Variants in ERCC6L2 observed in about 807,000 individuals in gnomAD.
ERCC6L2 encodes the protein DNA excision repair protein ERCC-6-like 2.
In ERCC6L2, 77 loss-of-function variants were observed where a neutral mutation model predicts 132.0. The ratio of observed to expected loss-of-function variants is 0.58; its 90% CI spans 0.49 to 0.71. ERCC6L2 has a LOEUF of 0.71. Among genes scored for constraint, ERCC6L2 ranks in the 30% least tolerant of loss-of-function variants. The probability of loss-of-function intolerance (pLI) is 0.00; values close to 1 mark genes in which losing one functional copy is unlikely to be tolerated. For missense variants in ERCC6L2, 1,542 were observed against 1,837.6 expected, an observed-to-expected ratio of 0.84 and a Z score of 2.94; for synonymous variants, 583 against 632.4, an observed-to-expected ratio of 0.92 and a Z score of 1.17.
chr9:95,992,746 G>A (rs1833345684), intron 17 of ERCC6L2, among the ~76,000 whole-genome samples: 2 of 152,172 alleles, frequency 1.3e-5, no homozygotes, highest in African/African-American at 2.4e-5. Context: ...CTGGAGGCCA[G>A]GGTGGAGGGA....
At chr9:95,902,969 T>A (rs1193811932) in intron 3 of ERCC6L2, among the ~76,000 whole-genome samples, 9 of 152,100 alleles carry the variant, frequency 5.9e-5, no homozygotes, top group African/African-American at 9.7e-5. Context: ...ATTGATTTTT[T>A]AAAAATGTTT....
At position 95,972,049 on chromosome 9, in the gene ERCC6L2, A is replaced by G. The variant is rs1222654900; in HGVS notation, c.2298A>G (p.Thr766=). The G allele has an allele frequency of 1.5e-6, 2 of 1,304,298 alleles. No homozygotes were observed. 80.8% of individuals were successfully genotyped at this position (1,304,298 alleles called of 1,614,324 possible). The part of the protein sequence containing the change: ...DFSDEEPVGA[T]GIKTAKNKAP... The stretch of plus-strand genomic sequence containing the variant: ...GTGATGAAGAGCCAGTGGGAGCCAC[A>G]GGAATAAAGACTGCCAAAAACAAAG... The change falls in exon 16 of 19, where the codon ACA becomes ACG. Residue 766 remains threonine, a synonymous_variant. Transcript: ENST00000653738.
intron 4 of ERCC6L2, among the ~76,000 whole-genome samples, chr9:95,907,859 C>CA (rs1564212414): frequency 1.3e-4 from 15 of 112,786 alleles, no homozygotes; most frequent in South Asian, 8.8e-4. Context: ...ACACACACCC[C>CA]CACACCCACA....
Position 96,012,442 on chromosome 9 carries a change from G to A in ERCC6L2, c.3892G>A (p.Asp1298Asn), listed in dbSNP as rs1357462496. 1 of 1,365,962 alleles carries A rather than the reference G, an allele frequency of 7.3e-7. No individual in the cohort carries two copies. Among genetic ancestry groups the A allele is most frequent in the Non-Finnish European group, 9.8e-7 (1 of 1,021,090 alleles). 84.6% of individuals were successfully genotyped at this position (1,365,962 alleles called of 1,614,324 possible). The stretch of plus-strand genomic sequence containing the variant: ...AGAGCAGCGCACCCGGAAGAAATCT[G>A]ATAAAAGAGAATCTCTTATAAAACC... The part of the protein sequence containing the change: ...KGEQRTRKKS[D>N]KRESLIKPRL... Residue 1298 changes from aspartate to asparagine, a missense_variant, in exon 19 of 19, where the codon GAT (aspartate) becomes AAT (asparagine). Physicochemically the swap from Asp to Asn is conservative, Grantham distance 23. This residue lies in a region of ERCC6L2 where 442 missense variants were observed against 583.4 expected (regional missense o/e 0.76). Coordinates refer to ENST00000653738, the MANE Select transcript of ERCC6L2 (RefSeq NM_020207.7).
intron 6 of ERCC6L2, 112 bp from the exon 7 acceptor site, chr9:95,921,063 C>A: frequency 9.6e-7 from 1 of 1,039,976 alleles, no homozygotes; most frequent in Non-Finnish European, 1.3e-6. Context: ...GCGTGAGCCT[C>A]TGCGCCCGGC....
intron 12 of ERCC6L2, chr9:95,954,688 C>T (rs1449407456): frequency 2.2e-6 from 1 of 454,174 alleles, no homozygotes; most frequent in East Asian, 7.0e-5. Context: ...AGCATACATC[C>T]AAAGGACATT....
chr9:95,988,784 G>A (rs556323620), intron 17 of ERCC6L2, among the ~76,000 whole-genome samples: 193 of 152,214 alleles, frequency 1.3e-3, no homozygotes, highest in African/African-American at 1.7e-3. Context: ...GGTATCCTCC[G>A]ATTCAATTCC....
intron 3 of ERCC6L2, among the ~76,000 whole-genome samples, chr9:95,905,850 A>G (rs1829008749): frequency 6.6e-6 from 1 of 152,210 alleles, no homozygotes; most frequent in Non-Finnish European, 1.5e-5. Flanking sequence ...GCAGTATTGT[A>G]TTATTTCTTG....
chr9:95,887,363 G>A (rs1389794995), intron 2 of ERCC6L2, among the ~76,000 whole-genome samples: 1 of 152,124 alleles, frequency 6.6e-6, no homozygotes, highest in Non-Finnish European at 1.5e-5. Context: ...TATTTGAAAG[G>A]TTTATCACAA....
At position 95,875,774 on chromosome 9, in the gene ERCC6L2, A is replaced by G. The variant is rs918231570; in HGVS notation, c.-265A>G. 1.9e-5 allele frequency: 10 copies of G among 538,266 alleles called. No individual in the cohort carries two copies. Among genetic ancestry groups the G allele is most frequent in the African/African-American group, 1.7e-4 (9 of 52,398 alleles). 33.3% of individuals were successfully genotyped at this position (538,266 alleles called of 1,614,324 possible). On this transcript the variant is annotated 5_prime_UTR_variant, in exon 1 of 19. Coordinates refer to ENST00000653738, the MANE Select transcript of ERCC6L2 (RefSeq NM_020207.7). ...CGGAGCCCGAGAGAACTAGGTGAAC[A>G]CCGCTTTGCCAGCCTCACACAGCGT...
intron 17 of ERCC6L2, among the ~76,000 whole-genome samples, chr9:95,987,115 A>G (rs1450543104): frequency 1.3e-5 from 2 of 152,110 alleles, no homozygotes; most frequent in Non-Finnish European, 2.9e-5. Context: ...TTCCCACAAC[A>G]CAGGAGAATT....
chr9:96,022,947 G>C (rs1001133056), downstream of ERCC6L2, among the ~76,000 whole-genome samples: 1 of 152,096 alleles, frequency 6.6e-6, no homozygotes, highest in Non-Finnish European at 1.5e-5. Flanking sequence ...GCGCTCTCCC[G>C]TCCCTCACCC....
At chr9:96,029,710 A>G (rs1332292808) in intron 19 of ERCC6L2, among the ~76,000 whole-genome samples, 2 of 152,242 alleles carry the variant, frequency 1.3e-5, no homozygotes, top group Non-Finnish European at 2.9e-5. Flanking sequence ...TTATCTAAAC[A>G]TCTGCACGCA....
chr9:95,990,064 C>G (rs551050231), intron 17 of ERCC6L2, among the ~76,000 whole-genome samples: 1 of 152,276 alleles, frequency 6.6e-6, no homozygotes, highest in South Asian at 2.1e-4. Context: ...AAGGGCCTTT[C>G]ATTTAGGGCA....
rs143497891 is a variant in ERCC6L2 at position 95,966,402 on chromosome 9, A to G, written c.1948-160A>G. ...CTGGCCAGATTATTATTATTTCACC[A>G]TAATGGCAACATCTGCCAGGGAAAT... On this transcript the variant is annotated intron_variant, in intron 13 of 18. Transcript: ENST00000653738. 2.7e-3 allele frequency among the ~76,000 whole-genome samples: 413 copies of G among 152,352 alleles called. 1 individual carries two copies. The highest frequency in any genetic ancestry group is 9.5e-3 in the African/African-American group (396 of 41,580).
chr9:95,974,882 G>A (rs62563008), intron 16 of ERCC6L2, among the ~76,000 whole-genome samples: 21,676 of 151,984 alleles, frequency 0.14, 1,643 homozygotes, highest in Admixed American at 0.19. Flanking sequence ...CTTAATTTGA[G>A]AGTATAGAGC....
rs748315283 is a variant in ERCC6L2 at position 95,876,035 on chromosome 9, C to T, written c.-4C>T. 8 of 1,588,644 alleles carry T rather than the reference C, an allele frequency of 5.0e-6. No homozygotes were observed. The highest frequency in any genetic ancestry group is 6.8e-6 in the Non-Finnish European group (8 of 1,168,428). ...AGCCGGGCTCGGCCCCTCCCCCTGG[C>T]CGGATGGATCCGTCGGCGCCACAGC... On this transcript the variant is annotated 5_prime_UTR_variant, in exon 1 of 19. Coordinates refer to ENST00000653738, the MANE Select transcript of ERCC6L2 (RefSeq NM_020207.7).
intron 17 of ERCC6L2, among the ~76,000 whole-genome samples, chr9:95,998,520 G>C (rs924500196): frequency 6.6e-6 from 1 of 152,202 alleles, no homozygotes; most frequent in South Asian, 2.1e-4. Flanking sequence ...AATCACATTA[G>C]TTATTAAAAG....
intron 15 of ERCC6L2, 106 bp downstream of exon 15, chr9:95,970,762 A>G (rs940041793): frequency 5.6e-6 from 4 of 716,726 alleles, no homozygotes; most frequent in Non-Finnish European, 7.7e-6. Flanking sequence ...AAAAAAAAAA[A>G]TTAAGAGTCA....
Sources: gnomAD v4.1 joint callset for allele counts (sites outside exome capture counted in the v4.1 genomes callset) on GRCh38, gnomAD v4.1.1 for gene constraint, gnomAD v4.1.1 regional missense constraint, MANE v1.5 for transcripts, NCBI Gene and HGNC (gene_info 2026-07-23, HGNC 2026-07-21) for gene names.